The following CCDC102A variants were observed in gnomAD, a reference collection of about 807,000 sequenced individuals.
The protein encoded by CCDC102A is coiled-coil domain containing 102A.
Under a neutral mutation model 55.5 loss-of-function variants are expected in CCDC102A, and 40 were observed. That is an observed-to-expected ratio of 0.72 (90% CI 0.56 to 0.94). The LOEUF (loss-of-function observed/expected upper bound fraction) is 0.94, where lower values mean the gene tolerates loss of function less well. Among genes scored for constraint, CCDC102A ranks in the 40% least tolerant of loss-of-function variants. The probability of loss-of-function intolerance (pLI) is 0.00; values close to 1 mark genes in which losing one functional copy is unlikely to be tolerated. For synonymous variants in CCDC102A, 323 were observed against 339.0 expected (o/e 0.95, Z 0.52); for missense variants, 779 against 768.6 (o/e 1.01, Z -0.16).
At chr16:57,532,015 C>T (rs2032275606) in intron 1 of CCDC102A, among the ~76,000 whole-genome samples, 1 of 152,220 alleles carries the variant, frequency 6.6e-6, no homozygotes, top group South Asian at 2.1e-4. Flanking sequence ...GTCTGTCTGC[C>T]TTTACCATGC....
rs2031881297 is a variant in CCDC102A, at chr16:57,512,521, C to CGA, written c.*219_*220insTC. ...CCAAAGACTTCTGGGTGTGCGCGCG[C>CGA]GCGCGCGCGTGTGTGTATATATATA... On this transcript the variant is annotated 3_prime_UTR_variant, in exon 9 of 9. Transcript: ENST00000258214. The CGA allele has an allele frequency of 2.1e-6, 1 of 473,358 alleles. No individual in the cohort carries two copies. The highest frequency in any genetic ancestry group is 3.9e-5 in the Admixed American group (1 of 25,742). 29.3% of individuals were successfully genotyped at this position (473,358 alleles called of 1,614,324 possible). A position where few individuals can be genotyped will look rare whatever the true frequency, so the allele number is the denominator to read the frequency against.
chr16:57,528,540 C>A, intron 2 of CCDC102A, 53 bp downstream of exon 2: 1 of 1,122,066 alleles, frequency 8.9e-7, no homozygotes, highest in South Asian at 3.2e-5. Context: ...TCAGGACAAT[C>A]GGCCCCGCCC....
chr16:57,532,653 G>C (rs954802819), intron 1 of CCDC102A, among the ~76,000 whole-genome samples: 2 of 151,410 alleles, frequency 1.3e-5, no homozygotes, highest in Non-Finnish European at 2.9e-5. Context: ...CTGACACACA[G>C]GTACAAGGAC....
rs1485370904 is a variant in CCDC102A at position 57,518,103 on chromosome 16, T to C, written c.1213A>G (p.Arg405Gly). The change falls in exon 6 of 9, where the codon AGG (arginine) becomes GGG (glycine). Residue 405 changes from arginine to glycine, a missense_variant. By Grantham distance (125) the Arg-to-Gly change is moderately radical (BLOSUM62 -2). Coordinates refer to ENST00000258214, the MANE Select transcript of CCDC102A (RefSeq NM_033212.4). ...TCGAAGAGCGCGGCCTGGCTGGCCCTCAGGTCGCAGTCCAGTGCGCTGGCT... is the reference window on the plus strand; with the variant it reads ...TCGAAGAGCGCGGCCTGGCTGGCCCCCAGGTCGCAGTCCAGTGCGCTGGCT... Reference protein sequence around the residue: ...QTASALDCDLRASQAALFEKN... With the variant: ...QTASALDCDLGASQAALFEKN... The C allele has an allele frequency of 1.9e-6, 3 of 1,605,828 alleles. No homozygotes were observed. Among genetic ancestry groups the C allele is most frequent in the African/African-American group, 1.3e-5 (1 of 74,822 alleles).
In CCDC102A at chr16:57,512,658, G is replaced by A; in HGVS notation, c.*83C>T. The A allele has an allele frequency of 6.6e-7, 1 of 1,521,116 alleles. No homozygotes were observed. Among genetic ancestry groups the A allele is most frequent in the Non-Finnish European group, 8.9e-7 (1 of 1,129,616 alleles). 94.2% of individuals were successfully genotyped at this position (1,521,116 alleles called of 1,614,324 possible). A position where few individuals can be genotyped will look rare whatever the true frequency, so the allele number is the denominator to read the frequency against. ...AGGGACTGGTCCCAGAGTGAGCCTAGGCACTGCATCAGTTTGAGTGGCTGG... is the reference window on the plus strand; with the variant it reads ...AGGGACTGGTCCCAGAGTGAGCCTAAGCACTGCATCAGTTTGAGTGGCTGG... On this transcript the variant is annotated 3_prime_UTR_variant, in exon 9 of 9. Coordinates refer to ENST00000258214, the MANE Select transcript of CCDC102A (RefSeq NM_033212.4).
intron 1 of CCDC102A, among the ~76,000 whole-genome samples, chr16:57,533,174 C>T (rs2032302704): frequency 2.0e-5 from 3 of 152,116 alleles, no homozygotes; most frequent in African/African-American, 4.8e-5. Context: ...CAGGCCCCTC[C>T]TAGGGGCTGG....
chr16:57,520,605 A>C (rs935446808), intron 4 of CCDC102A, among the ~76,000 whole-genome samples: 8,331 of 104,146 alleles, frequency 0.08, 316 homozygotes, highest in Middle Eastern at 0.15. Flanking sequence ...AATAAAATAA[A>C]ATAAATAAAA....
chr16:57,528,696 C>T lies in CCDC102A; in HGVS notation c.482G>A (p.Arg161Lys). The change falls in exon 2 of 9, where the codon AGG becomes AAG. Residue 161 changes from arginine to lysine, a missense_variant. Coordinates refer to ENST00000258214, the MANE Select transcript of CCDC102A (RefSeq NM_033212.4). ...EARGRELARL[R>K]GARGVADQTR... ...CTGGTCGGCGACCCCCCGGGCGCCC[C>T]TCAGCCGCGCCAGCTCGCGGCCCCG... is the stretch of plus-strand genomic sequence containing the variant. The T allele has an allele frequency of 8.9e-7, 1 of 1,123,960 alleles. No individual in the cohort carries two copies. Among genetic ancestry groups the T allele is most frequent in the South Asian group, 2.9e-5 (1 of 33,974 alleles). The allele number at this position is 1,123,960 out of a possible 1,614,324, so 69.6% of individuals were successfully genotyped here.
chr16:57,523,536 C>T (rs1315523556), intron 3 of CCDC102A, among the ~76,000 whole-genome samples: 1 of 151,310 alleles, frequency 6.6e-6, no homozygotes, highest in African/African-American at 2.4e-5. Context: ...GGTACTGGTG[C>T]ATTCATACAA....
At chr16:57,521,379 G>A (rs112807965) in intron 3 of CCDC102A, among the ~76,000 whole-genome samples, 7,301 of 152,000 alleles carry the variant, frequency 0.048, 400 homozygotes, top group African/African-American at 0.16. Flanking sequence ...CTATCCAAGT[G>A]CAAGTGCCCA....
At chr16:57,517,077 C>T (rs1288328353) in intron 6 of CCDC102A, among the ~76,000 whole-genome samples, 3 of 152,068 alleles carry the variant, frequency 2.0e-5, no homozygotes, top group African/African-American at 7.2e-5. Context: ...TCAACAGCTT[C>T]CCCCCAGCCT....
rs745545748 is a variant in CCDC102A, at chr16:57,512,849, G to A, written c.1545C>T (p.Asn515=). The stretch of plus-strand genomic sequence containing the variant: ...TGCGGATCTTCCCGAAGAGGGGAGC[G>A]TTCTGCTGCTGCCTGCGGAGCCTGT... The part of the protein sequence containing the change: ...LQSRLRRQQQ[N]APLFGKIRSA... The change falls in exon 9 of 9, where the codon AAC becomes AAT. Residue 515 remains asparagine, a synonymous_variant. Coordinates refer to ENST00000258214, the MANE Select transcript of CCDC102A (RefSeq NM_033212.4). 257 of 1,613,782 alleles carry A rather than the reference G, an allele frequency of 1.6e-4. No individual in the cohort carries two copies. Among genetic ancestry groups the A allele is most frequent in the Non-Finnish European group, 2.1e-4 (246 of 1,179,948 alleles).
In CCDC102A at chr16:57,512,630, G is replaced by A; in HGVS notation, c.*111C>T. On this transcript the variant is annotated 3_prime_UTR_variant, in exon 9 of 9. Coordinates refer to ENST00000258214, the MANE Select transcript of CCDC102A (RefSeq NM_033212.4). ...CCTGGGAGAGAAGAAAGTCGGCTGT[G>A]GCAGGGACTGGTCCCAGAGTGAGCC... The A allele has an allele frequency of 7.4e-7, 1 of 1,345,264 alleles. No homozygotes were observed. The highest frequency in any genetic ancestry group is 2.3e-5 in the Admixed American group (1 of 43,130). 83.3% of individuals were successfully genotyped at this position (1,345,264 alleles called of 1,614,324 possible). A position where few individuals can be genotyped will look rare whatever the true frequency, so the allele number is the denominator to read the frequency against.
intron 2 of CCDC102A, 72 bp downstream of exon 2, chr16:57,528,521 C>A: frequency 9.5e-7 from 1 of 1,051,374 alleles, no homozygotes; most frequent in Non-Finnish European, 1.2e-6. Flanking sequence ...TGTTTCTGAG[C>A]CCAGCAGCTC....
At chr16:57,515,875 C>A (rs1266047614) in intron 7 of CCDC102A, among the ~76,000 whole-genome samples, 2 of 151,558 alleles carry the variant, frequency 1.3e-5, no homozygotes, top group Non-Finnish European at 2.9e-5. Flanking sequence ...GTCAACCTGG[C>A]CTTCTTTCTC....
chr16:57,521,635 A>G (rs1275496368), intron 3 of CCDC102A, among the ~76,000 whole-genome samples: 3 of 152,228 alleles, frequency 2.0e-5, no homozygotes, highest in Admixed American at 6.5e-5. Flanking sequence ...TTCTGCAGAT[A>G]GAAACACTGG....
Position 57,518,139 on chromosome 16 carries a change from G to A in CCDC102A, c.1177C>T (p.Arg393Trp), listed in dbSNP as rs781028023. 7.5e-6 allele frequency: 12 copies of A among 1,610,418 alleles called. No homozygotes were observed. Among genetic ancestry groups the A allele is most frequent in the African/African-American group, 1.3e-5 (1 of 74,932 alleles). The change falls in exon 6 of 9, where the codon CGG becomes TGG. Residue 393 changes from arginine (R) to tryptophan (W), a missense_variant. Arg to Trp is a moderately radical substitution (Grantham distance 101). Transcript: ENST00000258214. The part of the protein sequence containing the change: ...GDLEEALARR[R>W]RQTASALDCD... Reference sequence around the variant, plus strand: ...TCCAGTGCGCTGGCTGTTTGCCGCCGCCGCCGGGCCAGCGCCTCCTCCAGG... The same window carrying A: ...TCCAGTGCGCTGGCTGTTTGCCGCCACCGCCGGGCCAGCGCCTCCTCCAGG...
At chr16:57,514,396 T>C (rs2031918127) in intron 8 of CCDC102A, among the ~76,000 whole-genome samples, 1 of 152,140 alleles carries the variant, frequency 6.6e-6, no homozygotes, top group African/African-American at 2.4e-5. Context: ...CATGGGGGTC[T>C]TGCTTTGTTG....
At chr16:57,532,717 A>G (rs1287990140) in intron 1 of CCDC102A, among the ~76,000 whole-genome samples, 1 of 151,866 alleles carries the variant, frequency 6.6e-6, no homozygotes, top group Non-Finnish European at 1.5e-5. Context: ...ACACACACAC[A>G]CACACACACA....
Sources: allele counts gnomAD v4.1 joint callset (sites outside exome capture counted in the v4.1 genomes callset), GRCh38; gene constraint gnomAD v4.1.1; transcripts MANE v1.5; gene names NCBI Gene and HGNC (gene_info 2026-07-23, HGNC 2026-07-21).